Variants in DIAPH3 observed in about 807,000 individuals in gnomAD.
DIAPH3 encodes the protein protein diaphanous homolog 3.
DIAPH3 carries 117 observed loss-of-function variants against 144.3 expected under a neutral mutation model. The ratio of observed to expected loss-of-function variants is 0.81; its 90% CI spans 0.70 to 0.95. DIAPH3 has a LOEUF of 0.95. Among genes scored for constraint, DIAPH3 ranks in the 40% least tolerant of loss-of-function variants. DIAPH3 has a pLI of 0.00. For synonymous variants in DIAPH3, 519 were observed against 488.9 expected (o/e 1.06, Z -0.81); for missense variants, 1,421 against 1,412.7 (o/e 1.01, Z -0.09).
intron 2 of DIAPH3, 99 bp downstream of exon 2, chr13:60,132,858 G>T: frequency 3.0e-6 from 3 of 983,806 alleles, no homozygotes; most frequent in Non-Finnish European, 4.8e-6. Flanking sequence ...TCCAATATAT[G>T]TGACTTTTAG....
intron 20 of DIAPH3, among the ~76,000 whole-genome samples, chr13:59,884,814 T>C (rs914897806): frequency 1.3e-5 from 2 of 149,290 alleles, no homozygotes; most frequent in East Asian, 1.9e-4. Context: ...AAGTGACTTA[T>C]GCCTGAGGTA....
At chr13:60,156,948 T>A (rs1463366089) in intron 1 of DIAPH3, among the ~76,000 whole-genome samples, 41 of 60,740 alleles carry the variant, frequency 6.8e-4, no homozygotes, top group African/African-American at 2.6e-3. Context: ...TATTTTTTTT[T>A]TTTTTTTTTT....
intron 17 of DIAPH3, among the ~76,000 whole-genome samples, chr13:59,942,168 G>A: frequency 6.6e-6 from 1 of 152,092 alleles, no homozygotes; most frequent in East Asian, 1.9e-4. Flanking sequence ...TTACAAATGA[G>A]TGTCCCTTTT....
At chr13:59,684,255 C>T (rs184789774) in intron 27 of DIAPH3, among the ~76,000 whole-genome samples, 2 of 152,184 alleles carry the variant, frequency 1.3e-5, no homozygotes, top group Non-Finnish European at 2.9e-5. Context: ...GAGCTTTCTG[C>T]CACGGAGCAA....
chr13:60,115,403 GCAATTTA>G (rs1158455506), intron 2 of DIAPH3, among the ~76,000 whole-genome samples: 3 of 152,132 alleles, frequency 2.0e-5, no homozygotes, highest in Non-Finnish European at 4.4e-5. Context: ...ACTGAAATAC[GCAATTTA>G]CTGGAGAGAT....
intron 25 of DIAPH3, among the ~76,000 whole-genome samples, chr13:59,806,974 A>G (rs2040229285): frequency 6.6e-6 from 1 of 151,820 alleles, no homozygotes; most frequent in African/African-American, 2.4e-5. Flanking sequence ...ATTTCATAAA[A>G]CCTTCAAATG....
At chr13:60,153,292 T>C (rs1951884802) in intron 1 of DIAPH3, 1 of 152,116 alleles carries the variant, frequency 6.6e-6, no homozygotes, top group Admixed American at 6.5e-5. Context: ...AAAATGAATA[T>C]AGAAGCTGGA....
intron 4 of DIAPH3, among the ~76,000 whole-genome samples, chr13:60,070,978 A>C (rs1033552239): frequency 2.6e-5 from 4 of 152,242 alleles, no homozygotes; most frequent in Non-Finnish European, 5.9e-5. Context: ...AATTATTCCT[A>C]AGAACCACAG....
intron 9 of DIAPH3, among the ~76,000 whole-genome samples, chr13:60,003,053 C>T (rs1051942281): frequency 2.6e-5 from 4 of 152,154 alleles, no homozygotes; most frequent in African/African-American, 9.7e-5. Flanking sequence ...GAGGGACAAG[C>T]ACACACATGA....
intron 27 of DIAPH3, among the ~76,000 whole-genome samples, chr13:59,719,735 A>G (rs2035244721): frequency 6.6e-6 from 1 of 152,094 alleles, no homozygotes; most frequent in African/African-American, 2.4e-5. Flanking sequence ...TAAAGAAATG[A>G]CAGATGGCAC....
chr13:59,774,943 A>T, intron 25 of DIAPH3, 120 bp from the exon 26 acceptor site: 1 of 791,304 alleles, frequency 1.3e-6, no homozygotes, highest in Admixed American at 2.0e-5. Context: ...GCCAGGACTA[A>T]GCTAGCAATT....
chr13:59,754,417 G>T (rs1331257338), intron 27 of DIAPH3, among the ~76,000 whole-genome samples: 1 of 151,962 alleles, frequency 6.6e-6, no homozygotes, highest in Non-Finnish European at 1.5e-5. Flanking sequence ...ATTCTTTTTG[G>T]CATCTTATCT....
chr13:59,739,459 T>C (rs765213067), intron 27 of DIAPH3, among the ~76,000 whole-genome samples: 2 of 152,138 alleles, frequency 1.3e-5, no homozygotes, highest in South Asian at 2.1e-4. Context: ...CAATACCCTT[T>C]TGAGTATTAA....
chr13:59,694,727 T>TA (rs939496161), intron 27 of DIAPH3, among the ~76,000 whole-genome samples: 2 of 151,180 alleles, frequency 1.3e-5, no homozygotes, highest in South Asian at 2.1e-4. Flanking sequence ...ACAAACAAAG[T>TA]AAAAAAAAAG....
At chr13:59,683,994 G>A (rs890839414) in intron 27 of DIAPH3, among the ~76,000 whole-genome samples, 2 of 151,568 alleles carry the variant, frequency 1.3e-5, no homozygotes, top group East Asian at 1.9e-4. Flanking sequence ...CATTTCTCCT[G>A]TTAATTCTGA....
intron 4 of DIAPH3, among the ~76,000 whole-genome samples, chr13:60,085,181 T>C (rs2057706208): frequency 6.6e-6 from 1 of 152,106 alleles, no homozygotes; most frequent in Admixed American, 6.6e-5. Flanking sequence ...GTTACAATAG[T>C]TAACCTTCTC....
At chr13:59,994,725 C>T (rs1317444440) in intron 9 of DIAPH3, among the ~76,000 whole-genome samples, 2 of 151,726 alleles carry the variant, frequency 1.3e-5, no homozygotes, top group Non-Finnish European at 2.9e-5. Flanking sequence ...GACATGGAAC[C>T]TTTAAATTAC....
intron 17 of DIAPH3, among the ~76,000 whole-genome samples, chr13:59,943,061 T>C (rs942570197): frequency 5.9e-5 from 9 of 152,342 alleles, no homozygotes; most frequent in East Asian, 1.9e-4. Flanking sequence ...ACTGTGCCGA[T>C]GTAATAATCT....
intron 3 of DIAPH3, among the ~76,000 whole-genome samples, chr13:60,107,859 C>A (rs1421035916): frequency 6.6e-6 from 1 of 152,176 alleles, no homozygotes; most frequent in Non-Finnish European, 1.5e-5. Flanking sequence ...CATTGGAACT[C>A]ATTTAATGCC....
Sources: gnomAD v4.1 joint callset for allele counts (sites outside exome capture counted in the v4.1 genomes callset) on GRCh38, gnomAD v4.1.1 for gene constraint, MANE v1.5 for transcripts, NCBI Gene and HGNC (gene_info 2026-07-23, HGNC 2026-07-21) for gene names.